The following DRC11 variants were observed in gnomAD, a reference collection of about 807,000 sequenced individuals.
DRC11 encodes IQ and AAA domain-containing protein 1.
chr2:236,359,792 C>A, the DRC11 span, among the ~76,000 whole-genome samples: 2 of 152,132 alleles, frequency 1.3e-5, no homozygotes, highest in African/African-American at 4.8e-5. The surrounding 1 kb of genome is among the most constrained non-coding windows in gnomAD (Gnocchi z 4.3). Flanking sequence ...GGTGGCCTCA[C>A]CGCACACAAT....
chr2:236,367,308 TTATA>T, the DRC11 span, among the ~76,000 whole-genome samples: 5 of 147,992 alleles, frequency 3.4e-5, no homozygotes, highest in African/African-American at 1.2e-4. This position sits in a 1 kb window ranked among gnomAD's most constrained non-coding sequence, Gnocchi z 4.8. Context: ...AACATATATA[TTATA>T]TATATATAAA....
the DRC11 span, among the ~76,000 whole-genome samples, chr2:236,445,384 G>C: frequency 1.3e-5 from 2 of 152,128 alleles, no homozygotes; most frequent in South Asian, 4.2e-4. The surrounding 1 kb of genome is among the most constrained non-coding windows in gnomAD (Gnocchi z 4.8). Flanking sequence ...CCAGGCTGGA[G>C]TGCAGTGGCG....
chr2:236,393,922 CCTTT>C, the DRC11 span, among the ~76,000 whole-genome samples: 3 of 152,096 alleles, frequency 2.0e-5, no homozygotes, highest in East Asian at 3.8e-4. The surrounding 1 kb of genome is among the most constrained non-coding windows in gnomAD (Gnocchi z 4.7). Flanking sequence ...AGACCATTCC[CCTTT>C]CTGAGAAATG....
the DRC11 span, among the ~76,000 whole-genome samples, chr2:236,503,994 G>A: frequency 1.4e-4 from 22 of 152,138 alleles, 2 homozygotes; most frequent in African/African-American, 5.1e-4. The surrounding 1 kb of genome is among the most constrained non-coding windows in gnomAD (Gnocchi z 4.9). Context: ...CTTTTCAAGT[G>A]TACAATTCAG....
chr2:236,399,566 C>T, the DRC11 span: 14 of 1,216,580 alleles, frequency 1.2e-5, no homozygotes, highest in African/African-American at 6.0e-5. The surrounding 1 kb of genome is among the most constrained non-coding windows in gnomAD (Gnocchi z 7.0). Context: ...ATAACCGTGA[C>T]GAGGGTCCAT....
At chr2:236,354,296 TACATGTGTGC>T in the DRC11 span, among the ~76,000 whole-genome samples, 1 of 58,942 alleles carries the variant, frequency 1.7e-5, no homozygotes, top group Non-Finnish European at 3.7e-5. Context: ...TGTTAGTGTG[TACATGTGTGC>T]ATGTGTGTGC....
the DRC11 span, chr2:236,368,081 G>A: frequency 1.4e-6 from 1 of 734,682 alleles, no homozygotes. Flanking sequence ...ATTCTCAGTA[G>A]GAAAAGTTAA....
the DRC11 span, among the ~76,000 whole-genome samples, chr2:236,437,754 C>T: frequency 1.3e-5 from 2 of 152,168 alleles, no homozygotes; most frequent in African/African-American, 4.8e-5. Flanking sequence ...TGAGAAGTGT[C>T]TGTTCATATC....
At chr2:236,459,680 T>TATACATATATAC in the DRC11 span, among the ~76,000 whole-genome samples, 7 of 122,028 alleles carry the variant, frequency 5.7e-5, no homozygotes, top group Non-Finnish European at 1.2e-4. Context: ...TACGTATATA[T>TATACATATATAC]GTATATACAT....
the DRC11 span, chr2:236,369,079 G>C: frequency 4.6e-5 from 7 of 152,242 alleles, no homozygotes; most frequent in South Asian, 8.3e-4. This position sits in a 1 kb window ranked among gnomAD's most constrained non-coding sequence, Gnocchi z 4.5. Flanking sequence ...TCTGAATCTG[G>C]AGTAAAAATA....
the DRC11 span, among the ~76,000 whole-genome samples, chr2:236,390,558 G>A: frequency 1.3e-5 from 2 of 152,196 alleles, no homozygotes; most frequent in South Asian, 4.1e-4. This position sits in a 1 kb window ranked among gnomAD's most constrained non-coding sequence, Gnocchi z 5.9. Flanking sequence ...ACAAGTTGCT[G>A]TGTAACTTAA....
chr2:236,463,694 G>C, the DRC11 span, among the ~76,000 whole-genome samples: 1 of 152,180 alleles, frequency 6.6e-6, no homozygotes, highest in Non-Finnish European at 1.5e-5. This position sits in a 1 kb window ranked among gnomAD's most constrained non-coding sequence, Gnocchi z 5.0. Flanking sequence ...AAAAGTAATT[G>C]ATATGTATTA....
the DRC11 span, among the ~76,000 whole-genome samples, chr2:236,409,687 C>A: frequency 0.02 from 3,037 of 150,604 alleles, 113 homozygotes; most frequent in African/African-American, 0.07. Flanking sequence ...GTCTTGTGCC[C>A]GTTTTCAAAG....
chr2:236,457,750 G>A, the DRC11 span, among the ~76,000 whole-genome samples: 1,030 of 152,280 alleles, frequency 6.8e-3, 12 homozygotes, highest in African/African-American at 0.023. The surrounding 1 kb of genome is among the most constrained non-coding windows in gnomAD (Gnocchi z 4.7). Flanking sequence ...AGAACAGAGC[G>A]ATGTGGCCAC....
At chr2:236,319,748 C>T in the DRC11 span, among the ~76,000 whole-genome samples, 4 of 152,168 alleles carry the variant, frequency 2.6e-5, no homozygotes, top group Non-Finnish European at 2.9e-5. This position sits in a 1 kb window ranked among gnomAD's most constrained non-coding sequence, Gnocchi z 6.7. Context: ...ATTATATAGG[C>T]GCTAGGTGCA....
At chr2:236,359,930 A>G in the DRC11 span, among the ~76,000 whole-genome samples, 1 of 152,150 alleles carries the variant, frequency 6.6e-6, no homozygotes, top group Admixed American at 6.5e-5. The surrounding 1 kb of genome is among the most constrained non-coding windows in gnomAD (Gnocchi z 4.3). Context: ...AGGTGGGTGA[A>G]TGTGGTGCTC....
the DRC11 span, among the ~76,000 whole-genome samples, chr2:236,354,007 A>G: frequency 6.6e-6 from 1 of 152,282 alleles, no homozygotes; most frequent in South Asian, 2.1e-4. Context: ...TCCTCACTGC[A>G]ATTAGCTGGA....
At chr2:236,470,426 C>T in the DRC11 span, among the ~76,000 whole-genome samples, 2 of 152,146 alleles carry the variant, frequency 1.3e-5, no homozygotes, top group African/African-American at 4.8e-5. The surrounding 1 kb of genome is among the most constrained non-coding windows in gnomAD (Gnocchi z 5.1). Flanking sequence ...AGCACCACGG[C>T]CCCCCTGGAC....
At chr2:236,356,960 A>C in the DRC11 span, among the ~76,000 whole-genome samples, 4 of 110,596 alleles carry the variant, frequency 3.6e-5, 1 homozygote, top group Admixed American at 3.7e-4. Flanking sequence ...TATATCATAA[A>C]TATATATATT....
Sources: gnomAD v4.1 joint callset for allele counts (sites outside exome capture counted in the v4.1 genomes callset) on GRCh38, gnomAD v4.1.1 for gene constraint, Gnocchi (gnomAD v3.1) non-coding constraint, MANE v1.5 for transcripts, NCBI Gene and HGNC (gene_info 2026-07-23, HGNC 2026-07-21) for gene names.